Variants in LRP2 observed in about 807,000 individuals in gnomAD.
LRP2 encodes LDL receptor related protein 2, also known as low-density lipoprotein receptor-related protein 2.
LRP2 carries 172 observed loss-of-function variants against 531.0 expected under a neutral mutation model. The ratio of observed to expected loss-of-function variants is 0.32; its 90% CI spans 0.29 to 0.37. The LOEUF (loss-of-function observed/expected upper bound fraction) is 0.37. Among genes scored for constraint, LRP2 ranks in the 10% least tolerant of loss-of-function variants. The probability of loss-of-function intolerance (pLI) is 1.00; values close to 1 mark genes in which losing one functional copy is unlikely to be tolerated. For synonymous variants in LRP2, 1,992 were observed against 2,027.6 expected (o/e 0.98, Z 0.47); for missense variants, 5,167 against 5,868.3 (o/e 0.88, Z 3.90).
chr2:169,258,417 C>T (rs573524617), intron 17 of LRP2, among the ~76,000 whole-genome samples: 2 of 152,138 alleles, frequency 1.3e-5, no homozygotes, highest in Admixed American at 1.3e-4. Context: ...GGGTTAGCAG[C>T]CATCTTTTTT....
chr2:169,294,595 C>G lies in LRP2; in HGVS notation c.538+5G>C, dbSNP rs760142107. On this transcript the variant is annotated splice_donor_5th_base_variant and intron_variant, in intron 5 of 78. Transcript: ENST00000649046. ...ACAACTGCACATCTTGTGCACAATA[C>G]TTACTGCAGTTGATTTCATCTGAGG... 1.3e-6 allele frequency: 2 copies of G among 1,597,390 alleles called. No homozygotes were observed. Among genetic ancestry groups the G allele is most frequent in the Non-Finnish European group, 1.7e-6 (2 of 1,165,084 alleles).
intron 1 of LRP2, among the ~76,000 whole-genome samples, chr2:169,361,781 C>G (rs147614850): frequency 4.6e-5 from 7 of 152,170 alleles, no homozygotes; most frequent in Admixed American, 3.9e-4. Flanking sequence ...TATCTTGGCT[C>G]GTAAATGATC....
intron 63 of LRP2, among the ~76,000 whole-genome samples, chr2:169,160,484 A>T (rs1686536079): frequency 6.6e-6 from 1 of 152,100 alleles, no homozygotes; most frequent in Non-Finnish European, 1.5e-5. Context: ...GAAGAAGAAG[A>T]AGGAGAAGAG....
intron 60 of LRP2, 73 bp downstream of exon 60, chr2:169,169,629 A>T: frequency 2.7e-6 from 3 of 1,117,134 alleles, no homozygotes; most frequent in South Asian, 2.5e-5. Context: ...AAGAAGCGGC[A>T]GCGGACTGAT....
At chr2:169,336,657 T>A (rs139371957) in intron 1 of LRP2, among the ~76,000 whole-genome samples, 136 of 152,040 alleles carry the variant, frequency 8.9e-4, no homozygotes, top group Non-Finnish European at 1.5e-3. Flanking sequence ...TCCAAAGTAT[T>A]CTCCACTGCA....
intron 1 of LRP2, among the ~76,000 whole-genome samples, chr2:169,325,600 G>T (rs929935994): frequency 6.6e-6 from 1 of 152,120 alleles, no homozygotes; most frequent in Non-Finnish European, 1.5e-5. Flanking sequence ...TTACACTATA[G>T]TGATGATAGC....
chr2:169,155,689 T>TC (rs1558983228), intron 65 of LRP2, among the ~76,000 whole-genome samples: 1 of 151,682 alleles, frequency 6.6e-6, no homozygotes, highest in Non-Finnish European at 1.5e-5. Context: ...TCTGTTTTAT[T>TC]AGGCCCGATT....
intron 52 of LRP2, among the ~76,000 whole-genome samples, chr2:169,180,649 T>C (rs551363871): frequency 2.6e-5 from 4 of 152,164 alleles, no homozygotes; most frequent in Admixed American, 6.5e-5. Flanking sequence ...AAAATAAATA[T>C]AACAGAAGAA....
intron 46 of LRP2, among the ~76,000 whole-genome samples, chr2:169,195,468 T>C (rs886600913): frequency 3.3e-5 from 5 of 152,192 alleles, no homozygotes; most frequent in Admixed American, 6.5e-5. Context: ...TAAATTTTAC[T>C]TTTTTGTACA....
chr2:169,235,918 G>C lies in LRP2; in HGVS notation c.4842C>G (p.Phe1614Leu). The C allele has an allele frequency of 1.9e-6, 3 of 1,614,194 alleles. No homozygotes were observed. The highest frequency in any genetic ancestry group is 2.5e-6 in the Non-Finnish European group (3 of 1,180,024). Residue 1614 changes from phenylalanine to leucine, a missense_variant, in exon 29 of 79, where the codon TTC (phenylalanine) becomes TTG (leucine). Physicochemically the swap from Phe to Leu is conservative, Grantham distance 22 (BLOSUM62 0). Coordinates refer to ENST00000649046, the MANE Select transcript of LRP2 (RefSeq NM_004525.3). ...TIDYPNRLLYFMDSYLDYMDF... is the reference protein window; with the variant it reads ...TIDYPNRLLYLMDSYLDYMDF... ...CCATGTAATCAAGATAGGAGTCCAT[G>C]AAGTAGAGCAGTCTGTTGGGGTAGT...
At position 169,360,731 on chromosome 2, in the gene LRP2, G is replaced by A. The variant is rs577909891; in HGVS notation, c.79+1590C>T. Among the ~76,000 whole-genome samples, 9 of 152,254 alleles carry A rather than the reference G, an allele frequency of 5.9e-5. No individual in the cohort carries two copies. The East Asian group carries it at 1.7e-3, about 29-fold the overall frequency. ...CACTGAGAAAGGGTGTTCAAAGGAA[G>A]GTTATTAATGATCTCTCCTTGCCTC... On this transcript the variant is annotated intron_variant, in intron 1 of 78. Coordinates refer to ENST00000649046, the MANE Select transcript of LRP2 (RefSeq NM_004525.3).
rs2105347279 is a variant in LRP2, at chr2:169,145,934, A to G, written c.12812-11T>C. On this transcript the variant is annotated splice_polypyrimidine_tract_variant and intron_variant, in intron 69 of 78. Coordinates refer to ENST00000649046, the MANE Select transcript of LRP2 (RefSeq NM_004525.3). ...TGTAAGGGTTCATTGCTGCTTACCC[A>G]CAGGGGAAAAACAAAACAGAAGGTT... The G allele has an allele frequency of 1.2e-6, 2 of 1,613,836 alleles. No individual in the cohort carries two copies. The highest frequency in any genetic ancestry group is 3.3e-5 in the Admixed American group (2 of 60,012).
chr2:169,159,149 A>G (rs1686477717), intron 63 of LRP2, among the ~76,000 whole-genome samples: 1 of 152,176 alleles, frequency 6.6e-6, no homozygotes, highest in African/African-American at 2.4e-5. Context: ...AAAGAGAGGC[A>G]GTGGTTATCT....
At chr2:169,322,225 G>A (rs543282880) in intron 1 of LRP2, among the ~76,000 whole-genome samples, 11 of 152,184 alleles carry the variant, frequency 7.2e-5, no homozygotes, top group Non-Finnish European at 1.6e-4. Context: ...CCTGATTTGT[G>A]TAAATGCAGG....
rs374974107 is a variant in LRP2, at chr2:169,233,132, G to T, written c.5098+279C>A. On this transcript the variant is annotated intron_variant, in intron 30 of 78. Transcript: ENST00000649046. ...GTCTGTACTCCATTTGTCAGCTGAGGAAACGGAGACTCATGTGAGGGTCAA... is the reference window on the plus strand; with the variant it reads ...GTCTGTACTCCATTTGTCAGCTGAGTAAACGGAGACTCATGTGAGGGTCAA... Among the ~76,000 whole-genome samples the T allele has an allele frequency of 5.3e-5, 8 of 152,292 alleles. 1 individual carries two copies. The East Asian group carries it at 1.5e-3, about 29-fold the overall frequency.
At chr2:169,234,093 C>T (rs1425769561) in intron 29 of LRP2, among the ~76,000 whole-genome samples, 1 of 152,132 alleles carries the variant, frequency 6.6e-6, no homozygotes, top group African/African-American at 2.4e-5. Context: ...AGCAACTATA[C>T]AATAGCAATT....
chr2:169,310,829 C>T (rs1446753956), intron 3 of LRP2, among the ~76,000 whole-genome samples: 3 of 152,120 alleles, frequency 2.0e-5, no homozygotes, highest in Non-Finnish European at 2.9e-5. Flanking sequence ...TCAGTCTGGT[C>T]CTGGACTTCT....
chr2:169,189,305 G>T (rs921155140), intron 48 of LRP2, among the ~76,000 whole-genome samples: 29 of 152,150 alleles, frequency 1.9e-4, no homozygotes, highest in Admixed American at 1.2e-3. Context: ...AACCAGCACT[G>T]CCATCCATAA....
chr2:169,338,718 A>C (rs1218737396), intron 1 of LRP2, among the ~76,000 whole-genome samples: 1 of 152,240 alleles, frequency 6.6e-6, no homozygotes, highest in Non-Finnish European at 1.5e-5. Context: ...TAAGAGACAA[A>C]GTCTGAATAG....
Sources: gnomAD v4.1 joint callset for allele counts (sites outside exome capture counted in the v4.1 genomes callset) on GRCh38, gnomAD v4.1.1 for gene constraint, MANE v1.5 for transcripts, NCBI Gene and HGNC (gene_info 2026-07-23, HGNC 2026-07-21) for gene names.